ZNF804B: variants seen among roughly 807,000 people sequenced by gnomAD.
The protein encoded by ZNF804B is zinc finger 804B.
ZNF804B carries 80 observed loss-of-function variants against 101.4 expected under a neutral mutation model. The observed-to-expected ratio is 0.79, with a 90% CI of 0.66 to 0.95. The LOEUF (loss-of-function observed/expected upper bound fraction) is 0.95, where lower values mean the gene tolerates loss of function less well. Among genes scored for constraint, ZNF804B ranks in the 40% least tolerant of loss-of-function variants. The pLI is 0.00. For missense variants in ZNF804B, 1,673 were observed against 1,561.9 expected, an observed-to-expected ratio of 1.07 and a Z score of -1.20; for synonymous variants, 622 against 558.8, an observed-to-expected ratio of 1.11 and a Z score of -1.59.
chr7:89,129,418 A>G (rs1790514374), intron 1 of ZNF804B, among the ~76,000 whole-genome samples: 1 of 152,038 alleles, frequency 6.6e-6, no homozygotes, highest in Non-Finnish European at 1.5e-5. Context: ...ACAAAGTACA[A>G]CAAAACATTT....
chr7:88,977,699 C>A (rs910932361), intron 1 of ZNF804B, among the ~76,000 whole-genome samples: 2 of 150,816 alleles, frequency 1.3e-5, no homozygotes, highest in African/African-American at 4.9e-5. Flanking sequence ...ACTTTTTATT[C>A]TGTTGTTTTC....
At chr7:88,974,878 T>G (rs1044986226) in intron 1 of ZNF804B, among the ~76,000 whole-genome samples, 1 of 151,350 alleles carries the variant, frequency 6.6e-6, no homozygotes, top group Admixed American at 6.6e-5. Flanking sequence ...GTACTGGATC[T>G]TTTTCTTTCT....
At chr7:88,999,676 G>A (rs1314163878) in intron 1 of ZNF804B, among the ~76,000 whole-genome samples, 6 of 151,898 alleles carry the variant, frequency 4.0e-5, no homozygotes, top group Admixed American at 1.3e-4. Flanking sequence ...GGAGAACAGA[G>A]TATTAATGAG....
intron 2 of ZNF804B, 119 bp downstream of exon 2, chr7:89,218,414 T>A (rs78003398): frequency 2.5e-6 from 3 of 1,185,160 alleles, no homozygotes; most frequent in South Asian, 1.5e-5. Context: ...ATTTTATGTC[T>A]TTTTTCCCCC....
At position 88,851,180 on chromosome 7, in the gene ZNF804B, A is replaced by G. The variant is rs1477115402; in HGVS notation, c.108+91096A>G. ...CAACTTCAGGTAGCCTAATATATGT[A>G]TAAATGAAGTGCCTGAAGAAGGAGT... On this transcript the variant is annotated intron_variant, in intron 1 of 3. Transcript: ENST00000333190. 2.0e-5 allele frequency among the ~76,000 whole-genome samples: 3 copies of G among 152,128 alleles called. No homozygotes were observed. The East Asian group carries it at 5.8e-4, about 29-fold the overall frequency.
At chr7:89,230,376 CAAAT>C (rs761151220) in intron 2 of ZNF804B, among the ~76,000 whole-genome samples, 5 of 151,792 alleles carry the variant, frequency 3.3e-5, no homozygotes, top group African/African-American at 4.8e-5. Context: ...TCTGTCCCCC[CAAAT>C]TTGATAACTT....
At chr7:89,308,484 C>T (rs2115938409) in intron 2 of ZNF804B, among the ~76,000 whole-genome samples, 1 of 152,270 alleles carries the variant, frequency 6.6e-6, no homozygotes, top group Admixed American at 6.5e-5. Context: ...TCCCTATATG[C>T]ACTGGTATTT....
chr7:88,923,439 T>A (rs374625509), intron 1 of ZNF804B, among the ~76,000 whole-genome samples: 18 of 152,268 alleles, frequency 1.2e-4, no homozygotes, highest in African/African-American at 4.1e-4. Flanking sequence ...AAGTCTATAA[T>A]GTTTGTCATC....
chr7:89,330,226 G>C (rs1473480040), intron 3 of ZNF804B, among the ~76,000 whole-genome samples: 1 of 151,678 alleles, frequency 6.6e-6, no homozygotes, highest in East Asian at 1.9e-4. Context: ...GGGCGGGCTG[G>C]TGGGAGAAAT....
At chr7:89,071,531 A>AGGAAGTTCT (rs2116298101) in intron 1 of ZNF804B, among the ~76,000 whole-genome samples, 1 of 152,288 alleles carries the variant, frequency 6.6e-6, no homozygotes, top group Admixed American at 6.5e-5. Context: ...ATCAGGAAGC[A>AGGAAGTTCT]GTAGTGCCCA....
intron 1 of ZNF804B, among the ~76,000 whole-genome samples, chr7:88,769,761 G>A (rs1476232680): frequency 6.6e-6 from 1 of 152,212 alleles, no homozygotes; most frequent in Non-Finnish European, 1.5e-5. Context: ...AAAAGCCACA[G>A]TGTGGTTGTA....
intron 2 of ZNF804B, among the ~76,000 whole-genome samples, chr7:89,279,738 G>T (rs991433066): frequency 2.6e-5 from 4 of 152,010 alleles, no homozygotes; most frequent in Non-Finnish European, 5.9e-5. Flanking sequence ...TTGATGTGCT[G>T]CTGGATTCGG....
chr7:88,942,115 T>C (rs554514838), intron 1 of ZNF804B, among the ~76,000 whole-genome samples: 169 of 152,000 alleles, frequency 1.1e-3, no homozygotes, highest in African/African-American at 3.6e-3. Flanking sequence ...CCATGAAATA[T>C]GTATCTACTC....
chr7:89,142,004 G>A (rs1171788041), intron 1 of ZNF804B, among the ~76,000 whole-genome samples: 1 of 151,712 alleles, frequency 6.6e-6, no homozygotes, highest in Admixed American at 6.6e-5. Context: ...AGAATTGAGG[G>A]TCCTGAGAAT....
intron 1 of ZNF804B, among the ~76,000 whole-genome samples, chr7:88,762,820 A>T (rs1789919434): frequency 6.6e-6 from 1 of 151,860 alleles, no homozygotes. Context: ...TTCTTAGTTG[A>T]CTTAACTAAC....
At chr7:88,803,669 G>T (rs1278058428) in intron 1 of ZNF804B, among the ~76,000 whole-genome samples, 1 of 152,144 alleles carries the variant, frequency 6.6e-6, no homozygotes, top group Non-Finnish European at 1.5e-5. Flanking sequence ...ACAGGAGGAT[G>T]CCCAGATTTG....
At chr7:88,780,200 G>T (rs1309129259) in intron 1 of ZNF804B, among the ~76,000 whole-genome samples, 9 of 152,006 alleles carry the variant, frequency 5.9e-5, no homozygotes. Context: ...GTGGAGAAAA[G>T]GGAACCCTTG....
At chr7:88,851,662 T>A (rs868746097) in intron 1 of ZNF804B, among the ~76,000 whole-genome samples, 4 of 151,990 alleles carry the variant, frequency 2.6e-5, no homozygotes, top group African/African-American at 9.7e-5. Context: ...CATTACCACA[T>A]GGAAATATGG....
At chr7:88,919,128 G>T (rs975023102) in intron 1 of ZNF804B, among the ~76,000 whole-genome samples, 2 of 152,000 alleles carry the variant, frequency 1.3e-5, no homozygotes, top group African/African-American at 4.8e-5. Flanking sequence ...TAACCAAGGA[G>T]GCATCATTAT....
Sources: allele counts gnomAD v4.1 joint callset (sites outside exome capture counted in the v4.1 genomes callset), GRCh38; gene constraint gnomAD v4.1.1; transcripts MANE v1.5; gene names NCBI Gene and HGNC (gene_info 2026-07-23, HGNC 2026-07-21).